The following TRHDE variants were observed in gnomAD, a reference collection of about 807,000 sequenced individuals.
TRHDE encodes the protein thyrotropin-releasing hormone-degrading ectoenzyme.
TRHDE carries 72 observed loss-of-function variants against 125.7 expected under a neutral mutation model. The ratio of observed to expected loss-of-function variants is 0.57; its 90% CI spans 0.47 to 0.70. The LOEUF (loss-of-function observed/expected upper bound fraction) is 0.70. Among genes scored for constraint, TRHDE ranks in the 30% least tolerant of loss-of-function variants. The pLI is 0.00. For synonymous variants in TRHDE, 509 were observed against 509.1 expected (o/e 1.00, Z 0.00); for missense variants, 1,110 against 1,327.1 (o/e 0.84, Z 2.54).
chr12:72,217,862 C>T (rs2139366131), intron 2 of TRHDE, among the ~76,000 whole-genome samples: 1 of 152,094 alleles, frequency 6.6e-6, no homozygotes, highest in East Asian at 1.9e-4. Flanking sequence ...ACTTATCTTA[C>T]AGAAACCTAG....
chr12:72,360,798 T>G (rs557678554), intron 2 of TRHDE, among the ~76,000 whole-genome samples: 1 of 151,898 alleles, frequency 6.6e-6, no homozygotes, highest in South Asian at 2.1e-4. Context: ...GGGAGTGTTT[T>G]GCAGTTATGA....
At chr12:72,416,039 G>C (rs1863951479) in intron 3 of TRHDE, among the ~76,000 whole-genome samples, 1 of 151,846 alleles carries the variant, frequency 6.6e-6, no homozygotes, top group South Asian at 2.1e-4. Flanking sequence ...GTCCTTGCCA[G>C]CATTTGTTAT....
In TRHDE at chr12:72,635,293, A is replaced by T. The variant is rs539920540; in HGVS notation, c.2675+13542A>T. Among the ~76,000 whole-genome samples, 22 of 152,278 alleles carry T rather than the reference A, an allele frequency of 1.4e-4. No individual in the cohort carries two copies. The East Asian group carries it at 3.3e-3, about 23-fold the overall frequency. Reference sequence around the variant, plus strand: ...TTTCATGTGTTTTTTGGCTGCATAAATGTCTTCTTTTGAGAAGTGTCTGTT... The same window carrying T: ...TTTCATGTGTTTTTTGGCTGCATAATTGTCTTCTTTTGAGAAGTGTCTGTT... On this transcript the variant is annotated intron_variant, in intron 15 of 18. Coordinates refer to ENST00000261180, the MANE Select transcript of TRHDE (RefSeq NM_013381.3).
intron 2 of TRHDE, among the ~76,000 whole-genome samples, chr12:72,343,846 C>A (rs1203893742): frequency 6.6e-6 from 1 of 152,060 alleles, no homozygotes; most frequent in Non-Finnish European, 1.5e-5. Context: ...GCTGGGGAAC[C>A]TCTTGCTGGT....
At chr12:72,162,071 G>C (rs1253657552) in intron 2 of TRHDE, among the ~76,000 whole-genome samples, 1 of 152,188 alleles carries the variant, frequency 6.6e-6, no homozygotes, top group East Asian at 1.9e-4. Flanking sequence ...AGGACAGAGA[G>C]AAAGTATGGC....
chr12:72,122,102 G>C (rs1365324807), intron 2 of TRHDE, among the ~76,000 whole-genome samples: 1 of 151,986 alleles, frequency 6.6e-6, no homozygotes, highest in Non-Finnish European at 1.5e-5. Flanking sequence ...GTTCTAGTTT[G>C]TCCTTGTTTA....
At chr12:72,125,834 G>T (rs1440220975) in intron 2 of TRHDE, among the ~76,000 whole-genome samples, 1 of 152,164 alleles carries the variant, frequency 6.6e-6, no homozygotes, top group African/African-American at 2.4e-5. Flanking sequence ...CCTATGATTT[G>T]CCCAGCTTTC....
intron 15 of TRHDE, among the ~76,000 whole-genome samples, chr12:72,644,547 A>G (rs1874199584): frequency 1.3e-5 from 2 of 152,186 alleles, no homozygotes; most frequent in African/African-American, 2.4e-5. Context: ...CAGTGCTTCA[A>G]CGTTTCTGGT....
intron 18 of TRHDE, among the ~76,000 whole-genome samples, chr12:72,661,363 C>G (rs1045078779): frequency 2.6e-5 from 4 of 152,058 alleles, no homozygotes; most frequent in Non-Finnish European, 5.9e-5. Flanking sequence ...ATTTATGACT[C>G]TCTGGTGTAT....
At chr12:72,274,910 A>G (rs1316186873) in intron 1 of TRHDE, 1 of 152,230 alleles carries the variant, frequency 6.6e-6, no homozygotes, top group Non-Finnish European at 1.5e-5. Context: ...TGTTGAATGA[A>G]TAAGTGATTC....
intron 12 of TRHDE, among the ~76,000 whole-genome samples, chr12:72,608,101 T>C (rs911739382): frequency 1.3e-5 from 2 of 152,158 alleles, no homozygotes; most frequent in Non-Finnish European, 2.9e-5. Context: ...TTTTGAGATA[T>C]TTAATTGAGA....
At chr12:72,632,196 T>G (rs1314242443) in intron 15 of TRHDE, among the ~76,000 whole-genome samples, 2 of 151,970 alleles carry the variant, frequency 1.3e-5, no homozygotes, top group African/African-American at 4.8e-5. Context: ...TTCTTATAAT[T>G]TATCTTTCAT....
chr12:72,441,188 C>A (rs1335688387), intron 3 of TRHDE, among the ~76,000 whole-genome samples: 1 of 151,612 alleles, frequency 6.6e-6, no homozygotes, highest in Non-Finnish European at 1.5e-5. Flanking sequence ...TATGTTGTAA[C>A]AGGCTCTTTC....
chr12:72,640,314 C>A (rs1251714200), intron 15 of TRHDE, among the ~76,000 whole-genome samples: 2 of 152,234 alleles, frequency 1.3e-5, no homozygotes, highest in Non-Finnish European at 2.9e-5. Context: ...AGGGAACTCC[C>A]TGACCCCCTG....
intron 2 of TRHDE, among the ~76,000 whole-genome samples, chr12:72,201,315 T>G (rs995922288): frequency 6.6e-6 from 1 of 152,198 alleles, no homozygotes; most frequent in South Asian, 2.1e-4. Context: ...ATTATAGATT[T>G]TTTTTGGGAA....
At chr12:72,382,345 G>C (rs1425626430) in intron 3 of TRHDE, among the ~76,000 whole-genome samples, 4 of 149,556 alleles carry the variant, frequency 2.7e-5, no homozygotes, top group South Asian at 2.2e-4. Context: ...GGGAGGGGGG[G>C]ACAGTGACTA....
At chr12:72,301,972 G>A (rs774929857) in intron 2 of TRHDE, among the ~76,000 whole-genome samples, 8 of 152,202 alleles carry the variant, frequency 5.3e-5, no homozygotes, top group Non-Finnish European at 1.2e-4. Flanking sequence ...TCCCAGCATA[G>A]TGCTACAGTG....
intron 2 of TRHDE, among the ~76,000 whole-genome samples, chr12:72,237,044 A>G (rs1422622231): frequency 6.6e-6 from 1 of 152,206 alleles, no homozygotes; most frequent in South Asian, 2.1e-4. Context: ...GTTCATGGGA[A>G]AGAGCTATTC....
chr12:72,656,932 G>C lies in TRHDE; in HGVS notation c.2990G>C (p.Gly997Ala), dbSNP rs1874729615. Residue 997 changes from glycine (G) to alanine (A), a missense_variant, in exon 18 of 19, where the codon GGA becomes GCA. Coordinates refer to ENST00000261180, the MANE Select transcript of TRHDE (RefSeq NM_013381.3). ...DKWKILNTRYGEALFMNSKLI... is the reference protein window; with the variant it reads ...DKWKILNTRYAEALFMNSKLI... ...GACTCTTTTTTTCTTTTGAGGTATG[G>C]AGAAGCATTGTTTATGAATTCCAAA... 1.9e-6 allele frequency: 3 copies of C among 1,606,176 alleles called. No individual in the cohort carries two copies. Among genetic ancestry groups the C allele is most frequent in the Non-Finnish European group, 2.6e-6 (3 of 1,174,458 alleles).
Sources: allele counts gnomAD v4.1 joint callset (sites outside exome capture counted in the v4.1 genomes callset), GRCh38; gene constraint gnomAD v4.1.1; transcripts MANE v1.5; gene names NCBI Gene and HGNC (gene_info 2026-07-23, HGNC 2026-07-21).